Variants in EXOC7 observed in about 807,000 individuals in gnomAD.
EXOC7 encodes the protein exocyst complex component Exo70.
In EXOC7, 51 loss-of-function variants were observed where a neutral mutation model predicts 87.6. That is an observed-to-expected ratio of 0.58 (90% confidence interval 0.46 to 0.73). EXOC7 has a LOEUF of 0.73. EXOC7 is among the 30% of genes least tolerant of loss of function. The probability of loss-of-function intolerance (pLI) is 0.00; values close to 1 mark genes in which losing one functional copy is unlikely to be tolerated. For synonymous variants in EXOC7, 327 were observed against 357.1 expected, an observed-to-expected ratio of 0.92 and a Z score of 0.95; for missense variants, 744 against 888.4, an observed-to-expected ratio of 0.84 and a Z score of 2.07.
intron 12 of EXOC7, among the ~76,000 whole-genome samples, chr17:76,086,535 C>T (rs1417643719): frequency 5.9e-5 from 9 of 152,152 alleles, no homozygotes; most frequent in Non-Finnish European, 7.4e-5. Flanking sequence ...CCCCTACATT[C>T]GAACATCCCC....
intron 12 of EXOC7, chr17:76,086,827 AGG>A: frequency 6.5e-7 from 1 of 1,549,134 alleles, no homozygotes; most frequent in Non-Finnish European, 8.7e-7. Context: ...GAGGGACAGG[AGG>A]GGGCTGCAGA....
chr17:76,087,053 C>T (rs1333021570), intron 12 of EXOC7, among the ~76,000 whole-genome samples: 2 of 152,174 alleles, frequency 1.3e-5, no homozygotes, highest in African/African-American at 2.4e-5. Flanking sequence ...ACACAGCAGG[C>T]GGGACCCTCT....
At chr17:76,090,283 G>C in intron 7 of EXOC7, 1 of 1,541,448 alleles carries the variant, frequency 6.5e-7, no homozygotes, top group Non-Finnish European at 8.8e-7. Flanking sequence ...GGACCGCTGC[G>C]AAGGCAGTGT....
intron 18 of EXOC7, 72 bp downstream of exon 18, chr17:76,083,934 G>A (rs2067089201): frequency 6.7e-7 from 1 of 1,487,884 alleles, no homozygotes. Flanking sequence ...TTTTTCCCTT[G>A]AGGAAGAGGA....
intron 15 of EXOC7, chr17:76,085,105 G>C: frequency 1.7e-6 from 1 of 582,212 alleles, no homozygotes. Flanking sequence ...CCCCTCTAAA[G>C]TGGCCATAGT....
At position 76,082,131 on chromosome 17, in the gene EXOC7, G is replaced by A. The variant is rs2067009819; in HGVS notation, c.*1517C>T. 3 of 1,472,076 alleles carry A rather than the reference G, an allele frequency of 2.0e-6. No homozygotes were observed. The highest frequency in any genetic ancestry group is 2.5e-5 in the East Asian group (1 of 40,342). The allele number at this position is 1,472,076 out of a possible 1,614,324, so 91.2% of individuals were successfully genotyped here. On this transcript the variant is annotated 3_prime_UTR_variant, in exon 19 of 19. Coordinates refer to ENST00000589210, the MANE Select transcript of EXOC7 (RefSeq NM_001013839.4). ...TGAGGGCACGGAGGTCCAGGTGTGGGTAGAGGCCCCTTGCATCCACCCTGC... is the reference window on the plus strand; with the variant it reads ...TGAGGGCACGGAGGTCCAGGTGTGGATAGAGGCCCCTTGCATCCACCCTGC...
intron 6 of EXOC7, chr17:76,094,212 T>C: frequency 1.8e-6 from 1 of 544,470 alleles, no homozygotes. Flanking sequence ...CAGGCTCTGC[T>C]AGCTGGAAGG....
At chr17:76,086,731 C>G in intron 12 of EXOC7, 1 of 800,900 alleles carries the variant, frequency 1.2e-6, no homozygotes, top group East Asian at 2.7e-5. Context: ...TGAGAGCACC[C>G]CGAGAAAACT....
chr17:76,103,783 G>A lies in EXOC7; in HGVS notation c.-91C>T, dbSNP rs1395332783. 2.1e-6 allele frequency: 3 copies of A among 1,421,670 alleles called. No homozygotes were observed. The African/African-American group carries it at 4.3e-5, about 20-fold the overall frequency. 88.1% of individuals were successfully genotyped at this position (1,421,670 alleles called of 1,614,324 possible). On this transcript the variant is annotated 5_prime_UTR_variant, in exon 1 of 19. Transcript: ENST00000589210. ...CCCGTCACACCCACTTCCGCTCTTG[G>A]TCCCGCCCCGGGACGCCTGGGCGGA...
chr17:76,084,588 A>G lies in EXOC7; in HGVS notation c.1713-8T>C. 6.2e-7 allele frequency: 1 copy of G among 1,612,012 alleles called. No homozygotes were observed. The highest frequency in any genetic ancestry group is 8.5e-7 in the Non-Finnish European group (1 of 1,178,400). On this transcript the variant is annotated splice_region_variant and splice_polypyrimidine_tract_variant and intron_variant, in intron 15 of 18. Transcript: ENST00000589210. ...TCAGTCACCTTTAACCAGCTGCCAG[A>G]CAGAAAGAGAAGCATGAGGGCAGAG...
chr17:76,103,487 C>T lies in EXOC7; in HGVS notation c.61-61G>A, dbSNP rs1487562602. On this transcript the variant is annotated intron_variant, in intron 1 of 18. Coordinates refer to ENST00000589210, the MANE Select transcript of EXOC7 (RefSeq NM_001013839.4). ...CAGAAGCTAAAGGAGACCACTGCGT[C>T]CCAACCCCACGGCCTAGCCCCCAAC... 3.2e-6 allele frequency: 5 copies of T among 1,552,288 alleles called. No homozygotes were observed. In the South Asian group the frequency reaches 3.6e-5, roughly 11 times the overall value.
intron 6 of EXOC7, 49 bp from the exon 7 acceptor site, chr17:76,091,284 G>A (rs752279698): frequency 2.6e-6 from 4 of 1,557,058 alleles, no homozygotes; most frequent in Admixed American, 1.7e-5. Context: ...TAGGAAATGA[G>A]TGAGAGAAAA....
chr17:76,098,589 C>T (rs1160869951), intron 4 of EXOC7, among the ~76,000 whole-genome samples: 1 of 151,452 alleles, frequency 6.6e-6, no homozygotes, highest in Admixed American at 6.6e-5. Flanking sequence ...TGGCCGTGCA[C>T]GGTGGCTCAC....
Position 76,103,673 on chromosome 17 carries a change from G to T in EXOC7, c.20C>A (p.Ala7Glu). The T allele has an allele frequency of 6.2e-7, 1 of 1,612,956 alleles. No individual in the cohort carries two copies. The highest frequency in any genetic ancestry group is 8.5e-7 in the Non-Finnish European group (1 of 1,179,578). ...CTCAATCTCCCGCCGTCGAGCGGATGCCTCCTGTGGGGGAATCATCGCTCT... is the reference window on the plus strand; with the variant it reads ...CTCAATCTCCCGCCGTCGAGCGGATTCCTCCTGTGGGGGAATCATCGCTCT... Reference protein sequence around the residue: MIPPQEASARRREIEDK... With the variant: MIPPQEESARRREIEDK... Residue 7 changes from alanine (A) to glutamate (E), a missense_variant, in exon 1 of 19, where the codon GCA becomes GAA. Around this residue, in one of 3 missense-constraint regions of EXOC7, gnomAD observed 512 missense variants for 573.0 expected, o/e 0.89. Coordinates refer to ENST00000589210, the MANE Select transcript of EXOC7 (RefSeq NM_001013839.4).
chr17:76,085,269 T>C (rs1156269767), intron 15 of EXOC7, 45 bp downstream of exon 15: 3 of 1,473,840 alleles, frequency 2.0e-6, no homozygotes, highest in Non-Finnish European at 2.8e-6. Flanking sequence ...GAGTGCGTGG[T>C]GGCACAGGGG....
At chr17:76,101,499 C>CA in intron 3 of EXOC7, 123 bp from the exon 4 acceptor site, 1 of 1,437,352 alleles carries the variant, frequency 7.0e-7, no homozygotes, top group Non-Finnish European at 9.4e-7. Context: ...TCTATCCCCC[C>CA]ACTGCCTTTT....
In EXOC7 at chr17:76,091,163, G is replaced by A. The variant is rs1459305734; in HGVS notation, c.881C>T (p.Ser294Phe). ...QHGLDGKKGGSNLIPLEGRDD... is the reference protein window; with the variant it reads ...QHGLDGKKGGFNLIPLEGRDD... ...ATTACCTTCCAGAGGAATGAGGTTA[G>A]AGCCCCCCTTTTTCCCATCTAGACC... Residue 294 changes from serine to phenylalanine, a missense_variant, in exon 7 of 19, where the codon TCT becomes TTT. Transcript: ENST00000589210. 6.2e-7 allele frequency: 1 copy of A among 1,614,134 alleles called. No homozygotes were observed. Among genetic ancestry groups the A allele is most frequent in the East Asian group, 2.2e-5 (1 of 44,884 alleles).
chr17:76,097,972 C>A lies in EXOC7; in HGVS notation c.464G>T (p.Arg155Leu). 6 of 1,614,106 alleles carry A rather than the reference C, an allele frequency of 3.7e-6. No homozygotes were observed. Among genetic ancestry groups the A allele is most frequent in the Non-Finnish European group, 4.2e-6 (5 of 1,180,008 alleles). ...CTTACTGTGCCGCGTCATCAGGCTG[C>A]GAAATTCGGACTCCAGGGCCTCCTT... ...RGKEALESEF[R>L]SLMTRHSKVV... The change falls in exon 5 of 19, where the codon CGC becomes CTC. Residue 155 changes from arginine to leucine, a missense_variant. Physicochemically the swap from Arg to Leu is moderately radical, Grantham distance 102. Coordinates refer to ENST00000589210, the MANE Select transcript of EXOC7 (RefSeq NM_001013839.4).
At chr17:76,089,051 C>T (rs924030200) in intron 8 of EXOC7, 124 bp downstream of exon 8, 18 of 1,489,844 alleles carry the variant, frequency 1.2e-5, no homozygotes, top group East Asian at 2.3e-5. Flanking sequence ...AGGTGGTGAG[C>T]GTCCACCCAG....
Sources: gnomAD v4.1 joint callset for allele counts (sites outside exome capture counted in the v4.1 genomes callset) on GRCh38, gnomAD v4.1.1 for gene constraint, gnomAD v4.1.1 regional missense constraint, MANE v1.5 for transcripts, NCBI Gene and HGNC (gene_info 2026-07-23, HGNC 2026-07-21) for gene names.